The following SLC24A2 variants were observed in gnomAD, a reference collection of about 807,000 sequenced individuals.
SLC24A2 encodes the protein solute carrier family 24 member 2.
In SLC24A2, 36 loss-of-function variants were observed where a neutral mutation model predicts 62.0. That is an observed-to-expected ratio of 0.58 (90% CI 0.44 to 0.77). The LOEUF (loss-of-function observed/expected upper bound fraction) is 0.77, where lower values mean the gene tolerates loss of function less well. SLC24A2 is among the 30% of genes least tolerant of loss of function. SLC24A2 has a pLI of 0.00. For missense variants in SLC24A2, 846 were observed against 817.9 expected (o/e 1.03, Z -0.42); for synonymous variants, 358 against 294.0 (o/e 1.22, Z -2.23).
At chr9:19,811,172 T>G in the SLC24A2 span, among the ~76,000 whole-genome samples, 2 of 152,184 alleles carry the variant, frequency 1.3e-5, no homozygotes, top group Non-Finnish European at 2.9e-5. Flanking sequence ...GCTGAAGAGC[T>G]AGCTCCCTCT....
upstream of SLC24A2, among the ~76,000 whole-genome samples, chr9:19,793,174 A>G (rs1587334331): frequency 6.6e-6 from 1 of 152,244 alleles, no homozygotes; most frequent in East Asian, 1.9e-4. Context: ...AGGTTATGTT[A>G]TGATAACAAA....
At chr9:19,675,015 G>A (rs946898652) in intron 2 of SLC24A2, among the ~76,000 whole-genome samples, 5 of 152,176 alleles carry the variant, frequency 3.3e-5, no homozygotes, top group Non-Finnish European at 5.9e-5. Context: ...GGGCTCAAGG[G>A]CTGCTCTTCA....
chr9:19,871,159 A>C, the SLC24A2 span, among the ~76,000 whole-genome samples: 4 of 152,168 alleles, frequency 2.6e-5, no homozygotes, highest in South Asian at 8.3e-4. Context: ...TTTGGTTGGG[A>C]GTTCTTTTCT....
the SLC24A2 span, among the ~76,000 whole-genome samples, chr9:20,243,226 G>A: frequency 1.3e-5 from 2 of 152,026 alleles, no homozygotes; most frequent in Non-Finnish European, 2.9e-5. Context: ...TTATAAATTA[G>A]CACCTTCATT....
intron 8 of SLC24A2, among the ~76,000 whole-genome samples, chr9:19,529,470 T>C (rs1833595387): frequency 6.6e-6 from 1 of 152,194 alleles, no homozygotes; most frequent in African/African-American, 2.4e-5. Flanking sequence ...CTGTTAAATT[T>C]TACCCCATAC....
the SLC24A2 span, among the ~76,000 whole-genome samples, chr9:19,887,092 G>A: frequency 6.6e-6 from 1 of 152,186 alleles, no homozygotes; most frequent in Non-Finnish European, 1.5e-5. Flanking sequence ...AATAGCTGAT[G>A]CGTGCTGCGC....
At chr9:20,116,779 G>A in the SLC24A2 span, among the ~76,000 whole-genome samples, 1 of 152,112 alleles carries the variant, frequency 6.6e-6, no homozygotes, top group Non-Finnish European at 1.5e-5. Flanking sequence ...TCAGTTCATT[G>A]ACTCTGAGGC....
At chr9:19,595,952 G>A (rs1206370656) in intron 5 of SLC24A2, among the ~76,000 whole-genome samples, 1 of 152,190 alleles carries the variant, frequency 6.6e-6, no homozygotes, top group Non-Finnish European at 1.5e-5. Flanking sequence ...TACATGTAGG[G>A]TTCTGTCATT....
the SLC24A2 span, among the ~76,000 whole-genome samples, chr9:19,954,272 G>A: frequency 6.6e-6 from 1 of 152,090 alleles, no homozygotes; most frequent in Non-Finnish European, 1.5e-5. Context: ...ACTGCAACTT[G>A]AGAGAGAAGG....
chr9:19,950,163 A>G, the SLC24A2 span, among the ~76,000 whole-genome samples: 1 of 152,182 alleles, frequency 6.6e-6, no homozygotes, highest in Non-Finnish European at 1.5e-5. Flanking sequence ...TTAAAATTCT[A>G]TGTGGCTCAG....
At chr9:19,958,608 T>A in the SLC24A2 span, among the ~76,000 whole-genome samples, 1 of 152,218 alleles carries the variant, frequency 6.6e-6, no homozygotes, top group African/African-American at 2.4e-5. Context: ...TAAGTGACAC[T>A]GAACAAGACA....
chr9:19,788,969 T>C lies in SLC24A2; in HGVS notation c.-238A>G, dbSNP rs958354122. On this transcript the variant is annotated 5_prime_UTR_variant, in exon 1 of 11. Coordinates refer to ENST00000341998, the MANE Select transcript of SLC24A2 (RefSeq NM_020344.4). ...GTCCGCCGGCCCTCCGCCTACCCGC[T>C]CTGAGGCCCGGGCTCTGGCTCGCAC... 1.0e-6 allele frequency: 1 copy of C among 984,298 alleles called. No individual in the cohort carries two copies. The highest frequency in any genetic ancestry group is 1.2e-6 in the Non-Finnish European group (1 of 829,034). 61.0% of individuals were successfully genotyped at this position (984,298 alleles called of 1,614,324 possible).
At chr9:19,833,926 G>A in the SLC24A2 span, among the ~76,000 whole-genome samples, 15 of 152,154 alleles carry the variant, frequency 9.9e-5, no homozygotes, top group African/African-American at 2.2e-4. Context: ...ACCAATATCC[G>A]CTGTTCTGCA....
At chr9:19,706,756 G>A (rs1030726373) in intron 2 of SLC24A2, among the ~76,000 whole-genome samples, 12 of 152,042 alleles carry the variant, frequency 7.9e-5, no homozygotes, top group Non-Finnish European at 1.5e-4. Context: ...ATTCAAAGCA[G>A]TGTGTAGAGG....
chr9:19,970,922 G>A, the SLC24A2 span, among the ~76,000 whole-genome samples: 6 of 152,120 alleles, frequency 3.9e-5, no homozygotes, highest in Non-Finnish European at 7.4e-5. Context: ...GATAATGGAA[G>A]GTAGAACTAA....
At chr9:20,231,227 G>A in the SLC24A2 span, among the ~76,000 whole-genome samples, 3 of 152,014 alleles carry the variant, frequency 2.0e-5, no homozygotes, top group African/African-American at 4.8e-5. Context: ...GCTCTTTTTT[G>A]GTCCCATATG....
chr9:19,965,097 C>T, the SLC24A2 span, among the ~76,000 whole-genome samples: 3 of 151,618 alleles, frequency 2.0e-5, no homozygotes, highest in Non-Finnish European at 4.4e-5. Flanking sequence ...GTGGAAATGA[C>T]GAGAAAGAGC....
intron 2 of SLC24A2, among the ~76,000 whole-genome samples, chr9:19,739,706 T>TA (rs1200017523): frequency 1.3e-5 from 2 of 152,196 alleles, no homozygotes; most frequent in Admixed American, 1.3e-4. Context: ...TTAATAATTT[T>TA]AAAAAAGCTT....
chr9:20,147,553 A>T, the SLC24A2 span, among the ~76,000 whole-genome samples: 1 of 152,176 alleles, frequency 6.6e-6, no homozygotes, highest in Non-Finnish European at 1.5e-5. Context: ...CAAGTGCCCA[A>T]TGTAGATATG....
Sources: gnomAD v4.1 joint callset for allele counts (sites outside exome capture counted in the v4.1 genomes callset) on GRCh38, gnomAD v4.1.1 for gene constraint, MANE v1.5 for transcripts, NCBI Gene and HGNC (gene_info 2026-07-23, HGNC 2026-07-21) for gene names.